Variants in STK26 observed in about 807,000 individuals in gnomAD.
STK26 encodes serine/threonine-protein kinase 26.
In STK26, 14 loss-of-function variants were observed where a neutral mutation model predicts 34.7. The observed-to-expected ratio is 0.40, with a 90% CI of 0.27 to 0.63. The LOEUF (loss-of-function observed/expected upper bound fraction) is 0.63, where lower values mean the gene tolerates loss of function less well. Among genes scored for constraint, STK26 ranks in the 30% least tolerant of loss-of-function variants. The pLI is 0.38. For synonymous variants in STK26, 100 were observed against 109.8 expected (o/e 0.91, Z 0.56); for missense variants, 226 against 309.1 (o/e 0.73, Z 2.02).
intron 4 of STK26, among the ~76,000 whole-genome samples, chrX:132,065,320 A>G (rs1404484795): frequency 9.0e-6 from 1 of 111,552 alleles, no homozygotes; most frequent in African/African-American, 3.3e-5. Context: ...TTGTTTCATG[A>G]TCCTCCTTCC....
chrX:132,030,327 T>C (rs2124126534), intron 2 of STK26, among the ~76,000 whole-genome samples: 1 of 110,292 alleles, frequency 9.1e-6, no homozygotes, highest in African/African-American at 3.3e-5. Context: ...TTCTCCTTCC[T>C]TCTACTTGTA....
chrX:132,023,475 G>A, intron 1 of STK26, 33 bp from the exon 2 acceptor site: 2 of 776,235 alleles, frequency 2.6e-6, no homozygotes, highest in South Asian at 2.2e-5. Flanking sequence ...CGCGCCGCCA[G>A]CCCAGTAACC....
intron 2 of STK26, among the ~76,000 whole-genome samples, chrX:132,050,316 A>G (rs1204646713): frequency 8.9e-6 from 1 of 112,008 alleles, no homozygotes; most frequent in Non-Finnish European, 1.9e-5. Context: ...TCGACAATAC[A>G]TAGACTATAT....
chrX:132,059,765 C>G (rs1407749538), intron 3 of STK26, among the ~76,000 whole-genome samples: 1 of 110,866 alleles, frequency 9.0e-6, no homozygotes, highest in African/African-American at 3.3e-5. Context: ...TTGCCTCCCA[C>G]CCACCATCAC....
intron 4 of STK26, among the ~76,000 whole-genome samples, chrX:132,067,620 A>AT (rs762946444): frequency 1.7e-4 from 19 of 110,141 alleles, no homozygotes; most frequent in South Asian, 3.8e-4. Context: ...CCATGATTTA[A>AT]TTTTTTTTTA....
intron 2 of STK26, among the ~76,000 whole-genome samples, chrX:132,042,885 T>C (rs955190152): frequency 6.3e-5 from 7 of 111,684 alleles, no homozygotes; most frequent in Non-Finnish European, 1.3e-4. Context: ...TACGATTCCA[T>C]TGGGTAACTC....
chrX:132,057,713 G>A (rs1012934090), intron 3 of STK26, among the ~76,000 whole-genome samples: 3 of 111,545 alleles, frequency 2.7e-5, no homozygotes, highest in Admixed American at 9.5e-5. Context: ...TACAAAACCC[G>A]ACTTATTCTA....
chrX:132,035,833 A>ACACT (rs1491358453), intron 2 of STK26, among the ~76,000 whole-genome samples: 1 of 2,004 alleles, frequency 5.0e-4, no homozygotes. Context: ...CTGGCTGCAT[A>ACACT]CACACACACA....
At chrX:132,026,756 C>G (rs137915534) in intron 2 of STK26, among the ~76,000 whole-genome samples, 1,701 of 112,263 alleles carry the variant, frequency 0.015, 32 homozygotes, top group African/African-American at 0.051. Context: ...TATGCTGTGC[C>G]TCTTGTTAAA....
intron 2 of STK26, among the ~76,000 whole-genome samples, chrX:132,036,142 T>C (rs1292179582): frequency 8.9e-6 from 1 of 111,807 alleles, no homozygotes; most frequent in African/African-American, 3.3e-5. Flanking sequence ...CCAAACAATG[T>C]GAGCAAACTT....
intron 4 of STK26, among the ~76,000 whole-genome samples, chrX:132,065,029 C>A (rs984079230): frequency 1.8e-5 from 2 of 111,686 alleles, no homozygotes; most frequent in African/African-American, 3.3e-5. Flanking sequence ...TGGAGAGCCT[C>A]ATCTACTACT....
Position 132,063,092 on chromosome X carries a change from G to A in STK26, c.274-341G>A, listed in dbSNP as rs183052128. Among the ~76,000 whole-genome samples the A allele has an allele frequency of 8.2e-3, 909 of 110,492 alleles. 9 individuals are homozygous for A. The highest frequency in any genetic ancestry group is 0.028 in the African/African-American group (860 of 30,375). On this transcript the variant is annotated intron_variant, in intron 3 of 11. Coordinates refer to ENST00000394334, the MANE Select transcript of STK26 (RefSeq NM_016542.4). ...TTACTCTCTGTGTTACAAACAGTCC[G>A]GTAATACTTTTCTACTTATTTTTAA...
Position 132,074,279 on chromosome X carries a change from G to T in STK26, c.*120G>T. 1.6e-6 allele frequency: 1 copy of T among 641,504 alleles called. No individual in the cohort carries two copies. The highest frequency in any genetic ancestry group is 3.6e-5 in the East Asian group (1 of 27,774). The allele number at this position is 641,504 out of a possible 1,213,427, so 52.9% of individuals were successfully genotyped here. A position where few individuals can be genotyped will look rare whatever the true frequency, so the allele number is the denominator to read the frequency against. ...CCTTTTGGATCTTTGCAACACTGAAGATTTGGAAGAAGCTATTAAACTATT... is the reference window on the plus strand; with the variant it reads ...CCTTTTGGATCTTTGCAACACTGAATATTTGGAAGAAGCTATTAAACTATT... On this transcript the variant is annotated 3_prime_UTR_variant, in exon 12 of 12. Coordinates refer to ENST00000394334, the MANE Select transcript of STK26 (RefSeq NM_016542.4).
intron 2 of STK26, among the ~76,000 whole-genome samples, chrX:132,048,180 T>C (rs5930541): frequency 0.33 from 36,694 of 110,911 alleles, 4,813 homozygotes; most frequent in African/African-American, 0.44. Context: ...AGTCATTTCA[T>C]GATGTATATA....
At chrX:132,074,061 G>T in intron 11 of STK26, 74 bp from the exon 12 acceptor site, 1 of 935,583 alleles carries the variant, frequency 1.1e-6, no homozygotes, top group Non-Finnish European at 1.5e-6. Context: ...TTTCTTCATT[G>T]CAGAGTTCAT....
At chrX:132,041,138 A>G (rs1926250566) in intron 2 of STK26, among the ~76,000 whole-genome samples, 1 of 111,233 alleles carries the variant, frequency 9.0e-6, no homozygotes, top group Non-Finnish European at 1.9e-5. Flanking sequence ...TTAAAACACA[A>G]CCTTTATTTT....
At position 132,044,667 on chromosome X, in the gene STK26, A is replaced by ATCTCTC. The variant is rs1569329897; in HGVS notation, c.43-9964_43-9963insTCTCTC. ...TCTCTCTCTCTCTCTCTCTCTCTCGAGATCTATATATATATATATATAGAG... is the reference window on the plus strand; with the variant it reads ...TCTCTCTCTCTCTCTCTCTCTCTCGATCTCTCGATCTATATATATATATATATAGAG... On this transcript the variant is annotated intron_variant, in intron 2 of 11. Transcript: ENST00000394334. 6.5e-5 allele frequency among the ~76,000 whole-genome samples: 4 copies of ATCTCTC among 61,872 alleles called. No individual in the cohort carries two copies. In the South Asian group the frequency reaches 2.6e-3, roughly 40 times the overall value. 53.7% of individuals were successfully genotyped at this position (61,872 alleles called of 115,157 possible).
intron 3 of STK26, among the ~76,000 whole-genome samples, chrX:132,062,849 C>A (rs756819118): frequency 1.8e-5 from 2 of 111,718 alleles, no homozygotes; most frequent in East Asian, 5.6e-4. Context: ...AAAAGGTATG[C>A]GGGTAGTCTA....
intron 2 of STK26, among the ~76,000 whole-genome samples, chrX:132,027,929 G>A (rs1318457592): frequency 9.3e-6 from 1 of 108,001 alleles, no homozygotes; most frequent in African/African-American, 3.4e-5. Flanking sequence ...GATCACAGCT[G>A]ACTGCAGCCG....
Sources: allele counts gnomAD v4.1 joint callset (sites outside exome capture counted in the v4.1 genomes callset), GRCh38; gene constraint gnomAD v4.1.1; transcripts MANE v1.5; gene names NCBI Gene and HGNC (gene_info 2026-07-23, HGNC 2026-07-21).